CEACAM3: variants seen among roughly 807,000 people sequenced by gnomAD.
CEACAM3 encodes the protein cell adhesion molecule CEACAM3.
Under a neutral mutation model 30.1 loss-of-function variants are expected in CEACAM3, and 32 were observed. The ratio of observed to expected loss-of-function variants is 1.06; its 90% CI spans 0.80 to 1.43. CEACAM3 has a LOEUF of 1.43. Ranked by LOEUF, CEACAM3 falls within the 40% of genes most tolerant of loss-of-function variation. The pLI is 0.00. For synonymous variants in CEACAM3, 134 were observed against 127.2 expected (o/e 1.05, Z -0.36); for missense variants, 290 against 316.3 (o/e 0.92, Z 0.63).
At position 41,811,340 on chromosome 19, in the gene CEACAM3, A is replaced by G; in HGVS notation, c.*103A>G. The G allele has an allele frequency of 4.1e-6, 4 of 965,946 alleles. No individual in the cohort carries two copies. The South Asian group carries it at 5.2e-5, about 13-fold the overall frequency. 59.8% of individuals were successfully genotyped at this position (965,946 alleles called of 1,614,324 possible). ...AGCCTGAGCCAGAGAACCAGCTATA[A>G]GTCCTGAGAAGACACTGGTGTCTGG... On this transcript the variant is annotated 3_prime_UTR_variant, in exon 7 of 7. Transcript: ENST00000357396.
intron 2 of CEACAM3, chr19:41,807,690 C>A: frequency 9.4e-7 from 1 of 1,065,300 alleles, no homozygotes; most frequent in Non-Finnish European, 1.2e-6. Context: ...ACTTGGCTCA[C>A]AGGGACACTG....
Position 41,797,873 on chromosome 19 carries a change from A to G in CEACAM3, c.349A>G (p.Ile117Val). Residue 117 changes from isoleucine (I) to valine (V), a missense_variant, in exon 2 of 7, where the codon ATA (isoleucine) becomes GTA (valine). By Grantham distance (29) the Ile-to-Val change is conservative (BLOSUM62 3). Transcript: ENST00000357396. ...LLIQNVTQNDIGFYTLQVIKS... is the reference protein window; with the variant it reads ...LLIQNVTQNDVGFYTLQVIKS... ...GATCCAGAATGTCACCCAGAATGAC[A>G]TAGGATTCTACACCCTACAAGTCAT... The G allele has an allele frequency of 6.2e-7, 1 of 1,614,062 alleles. No individual in the cohort carries two copies. Among genetic ancestry groups the G allele is most frequent in the Non-Finnish European group, 8.5e-7 (1 of 1,180,028 alleles).
At chr19:41,802,242 G>T (rs537698543) in intron 2 of CEACAM3, among the ~76,000 whole-genome samples, 1 of 152,214 alleles carries the variant, frequency 6.6e-6, no homozygotes, top group Admixed American at 6.5e-5. Flanking sequence ...TCAGCTATGG[G>T]GCTCCCATCC....
chr19:41,799,469 A>G (rs533437568), intron 2 of CEACAM3, among the ~76,000 whole-genome samples: 2 of 152,226 alleles, frequency 1.3e-5, no homozygotes, highest in Admixed American at 1.3e-4. Flanking sequence ...CATCAATTAA[A>G]TCTCTTTTCT....
At chr19:41,798,689 C>T (rs781934938) in intron 2 of CEACAM3, among the ~76,000 whole-genome samples, 38 of 152,220 alleles carry the variant, frequency 2.5e-4, no homozygotes, top group Non-Finnish European at 4.7e-4. Flanking sequence ...CCAGCAGCTC[C>T]TTTTCCACAA....
chr19:41,809,123 C>T, intron 3 of CEACAM3, 193 bp downstream of exon 3: 1 of 482,546 alleles, frequency 2.1e-6, no homozygotes, highest in Non-Finnish European at 3.7e-6. Context: ...GCTTCCTCCT[C>T]TGTGAATTTG....
At chr19:41,799,369 T>C (rs1669013874) in intron 2 of CEACAM3, among the ~76,000 whole-genome samples, 1 of 152,166 alleles carries the variant, frequency 6.6e-6, no homozygotes, top group African/African-American at 2.4e-5. Flanking sequence ...CTGCTCCCCC[T>C]TCTCCTTCCA....
chr19:41,804,956 A>T (rs2073186536), intron 2 of CEACAM3, among the ~76,000 whole-genome samples: 1 of 152,278 alleles, frequency 6.6e-6, no homozygotes, highest in South Asian at 2.1e-4. Context: ...CCAAAATACA[A>T]AATGTGCCAA....
At chr19:41,807,538 G>A in intron 2 of CEACAM3, 1 of 1,347,512 alleles carries the variant, frequency 7.4e-7, no homozygotes, top group Non-Finnish European at 9.7e-7. Context: ...GGCAGACCCA[G>A]CCTTGACCAA....
intron 1 of CEACAM3, 83 bp from the exon 2 acceptor site, chr19:41,797,506 A>C: frequency 2.9e-5 from 44 of 1,515,836 alleles, no homozygotes; most frequent in East Asian, 4.5e-5. Flanking sequence ...TGAAGGGTGA[A>C]GAGACTCTCT....
Position 41,810,875 on chromosome 19 carries a change from G to A in CEACAM3, c.671G>A (p.Arg224Lys). Residue 224 changes from arginine to lysine, a missense_variant, in exon 6 of 7, where the codon AGG becomes AAG. By Grantham distance (26) the Arg-to-Lys change is conservative (BLOSUM62 2). Coordinates refer to ENST00000357396, the MANE Select transcript of CEACAM3 (RefSeq NM_001815.5). Reference sequence around the variant, plus strand: ...GCCCAGGCCCCCCTACCCAACCCCAGGACAGCAGCTTCCATCTATGAGGTG... The same window carrying A: ...GCCCAGGCCCCCCTACCCAACCCCAAGACAGCAGCTTCCATCTATGAGGTG... ...STAQAPLPNP[R>K]TAASIYEELL... 6.2e-7 allele frequency: 1 copy of A among 1,613,630 alleles called. No individual in the cohort carries two copies. Among genetic ancestry groups the A allele is most frequent in the Non-Finnish European group, 8.5e-7 (1 of 1,179,804 alleles).
intron 2 of CEACAM3, among the ~76,000 whole-genome samples, chr19:41,798,902 C>T (rs891252574): frequency 2.6e-5 from 4 of 152,166 alleles, no homozygotes; most frequent in African/African-American, 9.7e-5. Flanking sequence ...CGACTAGGGT[C>T]ACACAAGTCA....
intron 3 of CEACAM3, 46 bp downstream of exon 3, chr19:41,808,976 C>T (rs782751813): frequency 2.2e-6 from 3 of 1,377,894 alleles, no homozygotes; most frequent in East Asian, 5.0e-5. Flanking sequence ...TAGGCTGACT[C>T]CAGGCCAAAA....
chr19:41,811,009 A>T, intron 6 of CEACAM3, 112 bp downstream of exon 6: 1 of 1,280,962 alleles, frequency 7.8e-7, no homozygotes, highest in Non-Finnish European at 1.1e-6. Flanking sequence ...GAAAATAAGA[A>T]CGGGGGTGGC....
rs1555825399 is a variant in CEACAM3 at position 41,797,752 on chromosome 19, C to T, written c.228C>T (p.Asn76=). Residue 76 remains asparagine, a synonymous_variant, in exon 2 of 7, where the codon AAC becomes AAT. Transcript: ENST00000357396. Reference sequence around the variant, plus strand: ...ACAAAGGGGAAAGAGTGGATGGCAACAGTCTAATTGTAGGATATGTAATAG... The same window carrying T: ...ACAAAGGGGAAAGAGTGGATGGCAATAGTCTAATTGTAGGATATGTAATAG... ...SWYKGERVDG[N]SLIVGYVIGT... is the part of the protein sequence containing the mutation. The T allele has an allele frequency of 6.2e-7, 1 of 1,613,524 alleles. No homozygotes were observed. The highest frequency in any genetic ancestry group is 1.7e-4 in the Middle Eastern group (1 of 6,060).
At chr19:41,810,058 G>A in intron 4 of CEACAM3, 41 bp downstream of exon 4, 1 of 1,594,112 alleles carries the variant, frequency 6.3e-7, no homozygotes, top group Non-Finnish European at 8.6e-7. Flanking sequence ...GGAACCCCTA[G>A]GACAGCCCCA....
Position 41,811,236 on chromosome 19 carries a change from A to G in CEACAM3, c.758A>G (p.Ter253TrpextTer10), listed in dbSNP as rs782356294. 2.5e-6 allele frequency: 4 copies of G among 1,613,708 alleles called. No homozygotes were observed. Among genetic ancestry groups the G allele is most frequent in the South Asian group, 1.1e-5 (1 of 91,066 alleles). ...RMDHKAEVAS[*>W] is the part of the protein sequence containing the mutation. ...GACCACAAAGCAGAAGTGGCTTCTT[A>G]GCTTCCTCCAGGAGCTGCTCCTGTG... Residue 253 changes from the stop codon to tryptophan (W), a stop_lost, in exon 7 of 7, where the codon TAG becomes TGG. Transcript: ENST00000357396.
Position 41,796,720 on chromosome 19 carries a change from TG to T in CEACAM3, c.45del (p.Trp15CysfsTer11). The T allele has an allele frequency of 1.2e-6, 2 of 1,613,676 alleles. No individual in the cohort carries two copies. Among genetic ancestry groups the T allele is most frequent in the Non-Finnish European group, 1.7e-6 (2 of 1,179,736 alleles). On this transcript the variant is annotated frameshift_variant, in exon 1 of 7. Coordinates refer to ENST00000357396, the MANE Select transcript of CEACAM3 (RefSeq NM_001815.5). LOFTEE classifies it high-confidence loss of function. ...CTCTCCCCACAGAGAATGCATCCCC[TG>T]GCAGGGGCTTCTGCTCACAGGTGAG... ...SASPHRECIP[W>X]QGLLLTASLL...
chr19:41,810,828 A>T lies in CEACAM3; in HGVS notation c.628-4A>T, dbSNP rs572447280. The T allele has an allele frequency of 1.4e-5, 22 of 1,611,698 alleles. No individual in the cohort carries two copies. In the East Asian group the frequency reaches 4.2e-4, roughly 31 times the overall value. On this transcript the variant is annotated splice_polypyrimidine_tract_variant and splice_region_variant and intron_variant, in intron 5 of 6. Transcript: ENST00000357396. Reference sequence around the variant, plus strand: ...CCTCCATGACCCTCCCTCCCTGTCCACAGATGTCCCCTCTCTCCACTGCCC... The same window carrying T: ...CCTCCATGACCCTCCCTCCCTGTCCTCAGATGTCCCCTCTCTCCACTGCCC...
Sources: gnomAD v4.1 joint callset for allele counts (sites outside exome capture counted in the v4.1 genomes callset) on GRCh38, gnomAD v4.1.1 for gene constraint, MANE v1.5 for transcripts, NCBI Gene and HGNC (gene_info 2026-07-23, HGNC 2026-07-21) for gene names.